TMEM260: variants seen among roughly 807,000 people sequenced by gnomAD.
TMEM260 encodes the protein protein O-mannosyl-transferase TMEM260.
Under a neutral mutation model 88.9 loss-of-function variants are expected in TMEM260, and 82 were observed. The ratio of observed to expected loss-of-function variants is 0.92; its 90% CI spans 0.77 to 1.11. TMEM260 has a LOEUF of 1.11. TMEM260 is among the 50% of genes least tolerant of loss of function. The pLI, the probability that TMEM260 is intolerant of heterozygous loss-of-function variation, is 0.00. For synonymous variants in TMEM260, 314 were observed against 309.3 expected (o/e 1.02, Z -0.16); for missense variants, 902 against 853.4 (o/e 1.06, Z -0.71).
chr14:56,588,386 A>T (rs1264558552), intron 3 of TMEM260, among the ~76,000 whole-genome samples: 3 of 152,108 alleles, frequency 2.0e-5, no homozygotes, highest in African/African-American at 7.2e-5. Context: ...TTTATTTCAA[A>T]AGCAAATTTA....
rs1566525283 is a variant in TMEM260, at chr14:56,585,893, C to T, written c.325C>T (p.Leu109Phe). ...ATTTGGAGCAGTAGCTGCATCATTA[C>T]TTTTTTTCACCGTTTTCAGGTAAAG... ...GLFGAVAASL[L>F]FFTVFRLSGS... is the part of the protein sequence containing the mutation. Residue 109 changes from leucine (L) to phenylalanine (F), a missense_variant, in exon 3 of 16, where the codon CTT becomes TTT. Transcript: ENST00000261556. The T allele has an allele frequency of 6.2e-7, 1 of 1,612,330 alleles. No individual in the cohort carries two copies. Among genetic ancestry groups the T allele is most frequent in the Non-Finnish European group, 8.5e-7 (1 of 1,179,362 alleles).
chr14:56,598,560 T>C (rs1886383900), intron 3 of TMEM260, among the ~76,000 whole-genome samples: 1 of 152,212 alleles, frequency 6.6e-6, no homozygotes, highest in Non-Finnish European at 1.5e-5. Flanking sequence ...TTTGTCTCAC[T>C]AAGGTGAAAT....
downstream of TMEM260, among the ~76,000 whole-genome samples, chr14:56,650,891 T>A (rs1429504959): frequency 1.3e-5 from 2 of 152,186 alleles, no homozygotes; most frequent in African/African-American, 4.8e-5. Flanking sequence ...AAAAATAGAA[T>A]CCTGTTACTC....
the TMEM260 span, among the ~76,000 whole-genome samples, chr14:56,659,780 C>A: frequency 2.6e-5 from 4 of 152,228 alleles, no homozygotes; most frequent in African/African-American, 9.6e-5. Context: ...TTTGTAGCTT[C>A]ATTAGCATTT....
chr14:56,659,261 G>GTTTTTTT, the TMEM260 span, among the ~76,000 whole-genome samples: 3 of 140,370 alleles, frequency 2.1e-5, no homozygotes, highest in Non-Finnish European at 1.5e-5. Flanking sequence ...TTTGGTTTTT[G>GTTTTTTT]TTTTTTTTTT....
intron 15 of TMEM260, among the ~76,000 whole-genome samples, chr14:56,645,274 A>C (rs547855035): frequency 2.0e-4 from 31 of 151,672 alleles, no homozygotes; most frequent in Non-Finnish European, 3.4e-4. Flanking sequence ...CTGGATTAAG[A>C]AAATGTGGCA....
At chr14:56,624,705 A>G (rs1888134737) in intron 11 of TMEM260, among the ~76,000 whole-genome samples, 1 of 152,206 alleles carries the variant, frequency 6.6e-6, no homozygotes, top group East Asian at 1.9e-4. Flanking sequence ...AGAGGTGAGT[A>G]CAAAGTACTA....
At chr14:56,585,696 T>C (rs942849173) in intron 2 of TMEM260, 65 bp from the exon 3 acceptor site, 87 of 1,504,400 alleles carry the variant, frequency 5.8e-5, no homozygotes, top group Non-Finnish European at 7.7e-5. Flanking sequence ...ACTTTTCAAT[T>C]AAGGCCTGTG....
rs762568864 is a variant in TMEM260, at chr14:56,621,514, T to G, written c.1227-17T>G. Reference sequence around the variant, plus strand: ...CAAAGTGTTGCTATTTTAATTTTTTTGGATCCTTTTATTTAGTGTTTGTGA... The same window carrying G: ...CAAAGTGTTGCTATTTTAATTTTTTGGGATCCTTTTATTTAGTGTTTGTGA... On this transcript the variant is annotated splice_polypyrimidine_tract_variant and intron_variant, in intron 10 of 15. Transcript: ENST00000261556. 1.3e-6 allele frequency: 2 copies of G among 1,577,966 alleles called. No homozygotes were observed. The highest frequency in any genetic ancestry group is 2.7e-5 in the African/African-American group (2 of 73,550).
At chr14:56,596,437 CAT>C (rs1447271684) in intron 3 of TMEM260, among the ~76,000 whole-genome samples, 1 of 143,608 alleles carries the variant, frequency 7.0e-6, no homozygotes, top group African/African-American at 2.6e-5. Flanking sequence ...CATACACACA[CAT>C]ATACATATAT....
intron 3 of TMEM260, chr14:56,593,396 CTG>C (rs1885987312): frequency 6.6e-6 from 1 of 152,104 alleles, no homozygotes; most frequent in African/African-American, 2.4e-5. Flanking sequence ...TGACTAAACA[CTG>C]TGCTCTCCTG....
downstream of TMEM260, among the ~76,000 whole-genome samples, chr14:56,653,736 C>CAA (rs10522889): frequency 6.0e-5 from 4 of 66,608 alleles, no homozygotes; most frequent in Admixed American, 2.3e-4. Context: ...CTCTTGTCTC[C>CAA]AAAACAAAAA....
rs1292843697 is a variant in TMEM260, at chr14:56,586,000, T to C, written c.344+88T>C. 2.0e-5 allele frequency: 28 copies of C among 1,387,922 alleles called. No homozygotes were observed. In the Middle Eastern group the frequency reaches 6.2e-4, roughly 30 times the overall value. 86.0% of individuals were successfully genotyped at this position (1,387,922 alleles called of 1,614,324 possible). ...CAAGTACATACATTAAAAAAATCTT[T>C]TGTTGCTTGGTTTCCCTAACACATG... On this transcript the variant is annotated intron_variant, in intron 3 of 15. Transcript: ENST00000261556.
At chr14:56,661,708 T>C in the TMEM260 span, among the ~76,000 whole-genome samples, 3 of 152,208 alleles carry the variant, frequency 2.0e-5, no homozygotes, top group African/African-American at 7.2e-5. Context: ...GAGTTTCCCC[T>C]CTTGTCATAG....
the TMEM260 span, among the ~76,000 whole-genome samples, chr14:56,660,229 G>T: frequency 6.6e-6 from 1 of 152,204 alleles, no homozygotes; most frequent in Non-Finnish European, 1.5e-5. Flanking sequence ...AAGATATGTA[G>T]CAGCATGCTT....
chr14:56,596,785 A>T (rs7153339), intron 3 of TMEM260, among the ~76,000 whole-genome samples: 6 of 37,746 alleles, frequency 1.6e-4, no homozygotes, highest in Admixed American at 3.8e-4. Flanking sequence ...AAAAAAAATT[A>T]AAAAAAAAAA....
At chr14:56,657,444 A>G in the TMEM260 span, among the ~76,000 whole-genome samples, 1 of 148,948 alleles carries the variant, frequency 6.7e-6, no homozygotes, top group Admixed American at 6.6e-5. Flanking sequence ...TGCCCATCCC[A>G]TTCACTTACG....
At chr14:56,616,144 C>G (rs1018372734) in intron 8 of TMEM260, 117 bp downstream of exon 8, 9 of 677,728 alleles carry the variant, frequency 1.3e-5, no homozygotes, top group African/African-American at 1.3e-4. Flanking sequence ...ATAAATGACT[C>G]TCCTAGCTGT....
chr14:56,660,364 T>A, the TMEM260 span, among the ~76,000 whole-genome samples: 1 of 152,256 alleles, frequency 6.6e-6, no homozygotes, highest in Non-Finnish European at 1.5e-5. Flanking sequence ...CAATGCGCAA[T>A]GTTAAATTGC....
Sources: allele counts gnomAD v4.1 joint callset (sites outside exome capture counted in the v4.1 genomes callset), GRCh38; gene constraint gnomAD v4.1.1; transcripts MANE v1.5; gene names NCBI Gene and HGNC (gene_info 2026-07-23, HGNC 2026-07-21).